Variants in TAFA2 observed in about 807,000 individuals in gnomAD.
TAFA2 encodes the protein chemokine-like protein TAFA-2.
Under a neutral mutation model 18.8 loss-of-function variants are expected in TAFA2, and 7 were observed. The observed-to-expected ratio is 0.37, with a 90% CI of 0.21 to 0.70. TAFA2 has a LOEUF of 0.70. Ranked by LOEUF, TAFA2 falls within the 30% of genes least tolerant of loss-of-function variation. The pLI, the probability that TAFA2 is intolerant of heterozygous loss-of-function variation, is 0.53. For synonymous variants in TAFA2, 60 were observed against 54.2 expected (o/e 1.11, Z -0.47); for missense variants, 122 against 158.1 (o/e 0.77, Z 1.23).
chr12:61,740,360 C>T (rs182602636), intron 4 of TAFA2, among the ~76,000 whole-genome samples: 1 of 151,724 alleles, frequency 6.6e-6, no homozygotes, highest in African/African-American at 2.4e-5. Flanking sequence ...GGTGGGAGAG[C>T]ATTAGGAGAA....
intron 1 of TAFA2, among the ~76,000 whole-genome samples, chr12:62,220,177 G>T (rs899422445): frequency 2.0e-5 from 3 of 151,416 alleles, no homozygotes; most frequent in Non-Finnish European, 2.9e-5. Flanking sequence ...TGAAAGAAAT[G>T]GAAACAATAA....
At position 61,755,382 on chromosome 12, in the gene TAFA2, C is replaced by T. The variant is rs78815070; in HGVS notation, c.107-358G>A. Among the ~76,000 whole-genome samples the T allele has an allele frequency of 1.5e-3, 233 of 152,194 alleles. 1 individual carries two copies. The highest frequency in any genetic ancestry group is 5.3e-3 in the African/African-American group (221 of 41,552). On this transcript the variant is annotated intron_variant, in intron 2 of 4. Transcript: ENST00000416284. ...AATCAAAGTAAAATAAACCTCTGGC[C>T]TAGGTACCCTGCAATGGGACTGAGG...
chr12:61,899,303 C>A (rs911824435), intron 1 of TAFA2, among the ~76,000 whole-genome samples: 1 of 152,082 alleles, frequency 6.6e-6, no homozygotes, highest in Non-Finnish European at 1.5e-5. Context: ...ATCTTTATAG[C>A]AGTGCCCCAC....
At chr12:62,068,588 C>A (rs528507510) in intron 1 of TAFA2, among the ~76,000 whole-genome samples, 44 of 152,150 alleles carry the variant, frequency 2.9e-4, no homozygotes, top group Admixed American at 1.2e-3. Context: ...ATCTATCATG[C>A]CAGTCAAATC....
intron 1 of TAFA2, among the ~76,000 whole-genome samples, chr12:62,217,914 C>T (rs1054444573): frequency 2.6e-5 from 4 of 152,076 alleles, no homozygotes; most frequent in Admixed American, 2.6e-4. Flanking sequence ...AAAAGTTTTA[C>T]TTCTGAACTT....
At chr12:62,205,337 C>T (rs1472472183) in intron 1 of TAFA2, among the ~76,000 whole-genome samples, 1 of 152,238 alleles carries the variant, frequency 6.6e-6, no homozygotes, top group Non-Finnish European at 1.5e-5. Flanking sequence ...CTTAATAAAG[C>T]ACTCTGGCTG....
chr12:62,202,821 C>CCTTTTTTTTTTTTTTT lies in TAFA2; in HGVS notation c.-130+55941_-130+55942insAAAAAAAAAAAAAAAG. Among the ~76,000 whole-genome samples, 2 of 61,626 alleles carry CCTTTTTTTTTTTTTTT rather than the reference C, an allele frequency of 3.2e-5. 1 individual carries two copies. The highest frequency in any genetic ancestry group is 1.2e-4 in the African/African-American group (2 of 17,040). 40.4% of individuals were successfully genotyped at this position (61,626 alleles called of 152,430 possible). A position where few individuals can be genotyped will look rare whatever the true frequency, so the allele number is the denominator to read the frequency against. On this transcript the variant is annotated intron_variant, in intron 1 of 5. Transcript: ENST00000551619. ...TCAATTTACATGTAGCTGTGTGGTT[C>CCTTTTTTTTTTTTTTT]TTTTTTTTTTTTTTTTTTTTTTTTT... is the stretch of plus-strand genomic sequence containing the variant.
intron 1 of TAFA2, among the ~76,000 whole-genome samples, chr12:61,918,395 T>A (rs1024791285): frequency 6.6e-6 from 1 of 152,126 alleles, no homozygotes; most frequent in Non-Finnish European, 1.5e-5. Context: ...CACAAATAAG[T>A]GAGAAAATGT....
At chr12:61,898,519 C>T (rs1592469668) in intron 1 of TAFA2, among the ~76,000 whole-genome samples, 1 of 152,222 alleles carries the variant, frequency 6.6e-6, no homozygotes, top group East Asian at 1.9e-4. Context: ...TGTAAACCCA[C>T]AGGACTAACA....
intron 1 of TAFA2, among the ~76,000 whole-genome samples, chr12:62,126,623 A>G (rs1436600981): frequency 6.6e-6 from 1 of 152,024 alleles, no homozygotes; most frequent in African/African-American, 2.4e-5. Flanking sequence ...AGAAGGGGAA[A>G]GTTGATATTC....
intron 1 of TAFA2, among the ~76,000 whole-genome samples, chr12:62,240,460 G>C (rs1385855630): frequency 1.3e-5 from 2 of 151,506 alleles, no homozygotes; most frequent in Admixed American, 6.6e-5. Context: ...TTACTGTATA[G>C]TAAACTTAAT....
chr12:61,815,803 T>C (rs1365814410), intron 2 of TAFA2, among the ~76,000 whole-genome samples: 1 of 151,254 alleles, frequency 6.6e-6, no homozygotes, highest in Non-Finnish European at 1.5e-5. Context: ...TAGATAAAAT[T>C]TTTTCTCTAT....
intron 2 of TAFA2, among the ~76,000 whole-genome samples, chr12:61,866,536 AG>A (rs1874362618): frequency 6.6e-6 from 1 of 152,342 alleles, no homozygotes; most frequent in Non-Finnish European, 1.5e-5. Flanking sequence ...TAATTATAAT[AG>A]GGACAGTTCA....
rs539673622 is a variant in TAFA2, at chr12:62,114,812, T to G, written c.-2+76447A>C. Among the ~76,000 whole-genome samples the G allele has an allele frequency of 9.2e-5, 14 of 152,344 alleles. No homozygotes were observed. In the South Asian group the frequency reaches 2.9e-3, roughly 32 times the overall value. ...ATTCCTTAATATTACCAGGCACATT[T>G]ATACAAAGTCTCACTATTATATTTG... On this transcript the variant is annotated intron_variant, in intron 1 of 4. Transcript: ENST00000416284.
intron 1 of TAFA2, chr12:62,136,185 T>C (rs1274904957): frequency 6.6e-6 from 1 of 152,150 alleles, no homozygotes; most frequent in Non-Finnish European, 1.5e-5. Flanking sequence ...AAAGGTATAT[T>C]TACTTTCATC....
chr12:61,906,889 G>A (rs1225112739), intron 1 of TAFA2, among the ~76,000 whole-genome samples: 1 of 152,086 alleles, frequency 6.6e-6, no homozygotes, highest in Non-Finnish European at 1.5e-5. Context: ...ATCTGTGAAA[G>A]TTTGAACTTG....
chr12:62,197,118 G>GC (rs1565776980), upstream of TAFA2, among the ~76,000 whole-genome samples: 1 of 152,208 alleles, frequency 6.6e-6, no homozygotes, highest in East Asian at 1.9e-4. Flanking sequence ...CTCCTTATGA[G>GC]AATCTAATGC....
chr12:61,823,214 C>T (rs2121058062), intron 2 of TAFA2, among the ~76,000 whole-genome samples: 1 of 152,084 alleles, frequency 6.6e-6, no homozygotes, highest in South Asian at 2.1e-4. Flanking sequence ...ACTCTGTTGT[C>T]CAGGCTGGAG....
chr12:62,085,070 A>G (rs1353850819), intron 1 of TAFA2, among the ~76,000 whole-genome samples: 1 of 152,146 alleles, frequency 6.6e-6, no homozygotes, highest in African/African-American at 2.4e-5. Flanking sequence ...TCCCCAGAAA[A>G]GAGAGAAACT....
Sources: allele counts gnomAD v4.1 joint callset (sites outside exome capture counted in the v4.1 genomes callset), GRCh38; gene constraint gnomAD v4.1.1; transcripts MANE v1.5; gene names NCBI Gene and HGNC (gene_info 2026-07-23, HGNC 2026-07-21).